CNBD1: variants seen among roughly 807,000 people sequenced by gnomAD.
CNBD1 encodes the protein cyclic nucleotide-binding domain-containing protein 1.
CNBD1 carries 71 observed loss-of-function variants against 54.4 expected under a neutral mutation model. That is an observed-to-expected ratio of 1.30 (90% CI 1.08 to 1.59). The LOEUF is 1.59. Among genes scored for constraint, CNBD1 ranks in the 40% most tolerant of loss-of-function variants. The probability of loss-of-function intolerance (pLI) is 0.00; values close to 1 mark genes in which losing one functional copy is unlikely to be tolerated. For synonymous variants in CNBD1, 182 were observed against 170.7 expected (o/e 1.07, Z -0.51); for missense variants, 659 against 518.0 (o/e 1.27, Z -2.64).
chr8:86,922,113 C>G (rs1441611432), intron 3 of CNBD1, among the ~76,000 whole-genome samples: 2 of 151,900 alleles, frequency 1.3e-5, no homozygotes, highest in Non-Finnish European at 2.9e-5. Flanking sequence ...TTATCTGAGG[C>G]AAAAAGAACC....
chr8:86,868,888 G>A (rs950486857), intron 1 of CNBD1, among the ~76,000 whole-genome samples: 1 of 152,024 alleles, frequency 6.6e-6, no homozygotes, highest in Admixed American at 6.6e-5. Context: ...AGAATATTCC[G>A]GTTTGTCTGG....
At chr8:87,134,099 T>A (rs908144229) in intron 4 of CNBD1, among the ~76,000 whole-genome samples, 13 of 152,214 alleles carry the variant, frequency 8.5e-5, no homozygotes, top group Admixed American at 7.9e-4. Flanking sequence ...TTAAATGTGT[T>A]CATAAAACAT....
intron 4 of CNBD1, among the ~76,000 whole-genome samples, chr8:87,150,176 AAAAAC>A (rs1200571082): frequency 4.6e-5 from 7 of 151,996 alleles, no homozygotes; most frequent in African/African-American, 1.7e-4. Context: ...GACTCTGTCA[AAAAAC>A]AAAAACAAAA....
intron 8 of CNBD1, among the ~76,000 whole-genome samples, chr8:87,296,149 A>T (rs1808872184): frequency 6.6e-6 from 1 of 152,168 alleles, no homozygotes. Flanking sequence ...CTAAAAACCT[A>T]AAACAATATT....
At chr8:87,254,211 A>G (rs191278322) in intron 6 of CNBD1, among the ~76,000 whole-genome samples, 1 of 152,310 alleles carries the variant, frequency 6.6e-6, no homozygotes, top group Admixed American at 6.5e-5. Context: ...TGAGGACGAA[A>G]TCCTTGGAAA....
At position 86,871,276 on chromosome 8, in the gene CNBD1, T is replaced by C. The variant is rs186573046; in HGVS notation, c.88+4693T>C. Among the ~76,000 whole-genome samples the C allele has an allele frequency of 1.0e-3, 155 of 152,350 alleles. 3 individuals carry two copies. Among genetic ancestry groups the C allele is most frequent in the Admixed American group, 9.7e-3 (149 of 15,300 alleles). On this transcript the variant is annotated intron_variant, in intron 1 of 10. Transcript: ENST00000518476. ...TCCTCTGAGTCTCAGGCTACTGCTC[T>C]ATCTGCCTATATCAGAGATTAGTCC...
intron 5 of CNBD1, among the ~76,000 whole-genome samples, chr8:87,230,893 AAGG>A: frequency 6.6e-6 from 1 of 152,226 alleles, no homozygotes; most frequent in Non-Finnish European, 1.5e-5. Context: ...TATCTAGTGA[AAGG>A]TATACTTAGA....
Position 87,130,137 on chromosome 8 carries a change from CA to C in CNBD1, c.432-75854del, listed in dbSNP as rs139108000. ...TTCCCTCCCACAACACATGGGAATTCAAGATGAGATTTGGTGGGGACACAGC... is the reference window on the plus strand; with the variant it reads ...TTCCCTCCCACAACACATGGGAATTCAGATGAGATTTGGTGGGGACACAGC... On this transcript the variant is annotated intron_variant, in intron 4 of 10. Transcript: ENST00000518476. 2.6e-3 allele frequency among the ~76,000 whole-genome samples: 392 copies of C among 152,240 alleles called. 1 individual carries two copies. Among genetic ancestry groups the C allele is most frequent in the African/African-American group, 8.9e-3 (370 of 41,542 alleles).
At chr8:87,253,281 A>T (rs1807946169) in intron 6 of CNBD1, among the ~76,000 whole-genome samples, 1 of 151,924 alleles carries the variant, frequency 6.6e-6, no homozygotes, top group South Asian at 2.1e-4. Context: ...TTGCAGTTAG[A>T]GTCAGCCCGG....
intron 4 of CNBD1, among the ~76,000 whole-genome samples, chr8:87,203,619 T>C (rs986275969): frequency 1.3e-5 from 2 of 152,196 alleles, no homozygotes; most frequent in Non-Finnish European, 2.9e-5. Flanking sequence ...CTACTATGCA[T>C]ACCCTTTTTC....
At chr8:86,894,671 T>C (rs1808824368) in intron 2 of CNBD1, among the ~76,000 whole-genome samples, 1 of 152,166 alleles carries the variant, frequency 6.6e-6, no homozygotes, top group African/African-American at 2.4e-5. Context: ...AAAAATCTTC[T>C]GCTCCATCTC....
intron 2 of CNBD1, among the ~76,000 whole-genome samples, chr8:86,892,794 T>C (rs1808792859): frequency 6.6e-6 from 1 of 152,138 alleles, no homozygotes; most frequent in South Asian, 2.1e-4. Context: ...TTTCTTCCCT[T>C]TTTTCACTCA....
At position 87,406,317 on chromosome 8, in the gene CNBD1, C is replaced by G. The variant is rs567633650; in HGVS notation, c.214-22229C>G. On this transcript the variant is annotated intron_variant, in intron 2 of 7. Coordinates refer to the CNBD1 transcript ENST00000521593. ...CAAAATACCTAATAGAAAAAAGCTA[C>G]TATAAATTCAAACATTTTAAGTAAG... 3.9e-4 allele frequency among the ~76,000 whole-genome samples: 60 copies of G among 151,992 alleles called. 1 individual carries two copies. In the South Asian group the frequency reaches 0.011, roughly 29 times the overall value.
intron 4 of CNBD1, among the ~76,000 whole-genome samples, chr8:86,951,581 CAAA>C (rs71275901): frequency 1.1e-3 from 41 of 37,354 alleles, no homozygotes; most frequent in South Asian, 1.3e-3. Flanking sequence ...CTCCGTCTCA[CAAA>C]AAAAAAAAAA....
intron 4 of CNBD1, among the ~76,000 whole-genome samples, chr8:87,021,254 C>G (rs905993215): frequency 6.6e-6 from 1 of 152,054 alleles, no homozygotes. Context: ...GAGTTTCACT[C>G]TTTTCATCAA....
intron 3 of CNBD1, among the ~76,000 whole-genome samples, chr8:86,926,200 C>T (rs1809357716): frequency 6.6e-6 from 1 of 152,100 alleles, no homozygotes; most frequent in African/African-American, 2.4e-5. Flanking sequence ...TCCAGCTGGC[C>T]TCACCTCTCA....
intron 4 of CNBD1, among the ~76,000 whole-genome samples, chr8:87,204,319 A>T (rs1356637057): frequency 6.6e-6 from 1 of 152,132 alleles, no homozygotes; most frequent in South Asian, 2.1e-4. Flanking sequence ...CCTTGTGCCC[A>T]TCTCTCTCTT....
Position 87,345,177 on chromosome 8 carries a change from A to G in CNBD1, c.1043-6508A>G, listed in dbSNP as rs149759671. Among the ~76,000 whole-genome samples, 359 of 152,270 alleles carry G rather than the reference A, an allele frequency of 2.4e-3. 4 individuals carry two copies. The highest frequency in any genetic ancestry group is 0.011 in the South Asian group (55 of 4,824). Reference sequence around the variant, plus strand: ...GCTGAACATACTTTCCCTAGCACACAATATCTTATTGAAATGAAGCATATA... The same window carrying G: ...GCTGAACATACTTTCCCTAGCACACGATATCTTATTGAAATGAAGCATATA... On this transcript the variant is annotated intron_variant, in intron 8 of 10. Coordinates refer to ENST00000518476, the MANE Select transcript of CNBD1 (RefSeq NM_173538.3).
At chr8:87,406,415 G>C (rs1807653056) in intron 2 of CNBD1, among the ~76,000 whole-genome samples, 1 of 149,674 alleles carries the variant, frequency 6.7e-6, no homozygotes, top group Non-Finnish European at 1.5e-5. Context: ...ATTCACTAGA[G>C]GTAATACTCA....
Sources: gnomAD v4.1 joint callset for allele counts (sites outside exome capture counted in the v4.1 genomes callset) on GRCh38, gnomAD v4.1.1 for gene constraint, MANE v1.5 for transcripts, NCBI Gene and HGNC (gene_info 2026-07-23, HGNC 2026-07-21) for gene names.